Variants in RFX2 observed in about 807,000 individuals in gnomAD.
The protein encoded by RFX2 is regulatory factor X2, also known as DNA-binding protein RFX2.
Under a neutral mutation model 87.8 loss-of-function variants are expected in RFX2, and 20 were observed. The ratio of observed to expected loss-of-function variants is 0.23; its 90% CI spans 0.16 to 0.33. RFX2 has a LOEUF of 0.33. Ranked by LOEUF, RFX2 falls within the 10% of genes least tolerant of loss-of-function variation. The pLI, the probability that RFX2 is intolerant of heterozygous loss-of-function variation, is 1.00. For synonymous variants in RFX2, 397 were observed against 431.3 expected, an observed-to-expected ratio of 0.92 and a Z score of 0.98; for missense variants, 767 against 1,012.3, an observed-to-expected ratio of 0.76 and a Z score of 3.29.
intron 1 of RFX2, among the ~76,000 whole-genome samples, chr19:6,055,188 A>G (rs1313459826): frequency 2.0e-5 from 3 of 152,212 alleles, no homozygotes; most frequent in African/African-American, 7.2e-5. Context: ...TAAACCTGAC[A>G]AGTCTGACAA....
chr19:6,085,110 T>C (rs2163802), intron 1 of RFX2, among the ~76,000 whole-genome samples: 33,235 of 152,198 alleles, frequency 0.22, 4,051 homozygotes, highest in South Asian at 0.3. Context: ...TGGTGGACAC[T>C]TGAGTTGCTG....
intron 1 of RFX2, among the ~76,000 whole-genome samples, chr19:6,092,933 G>A (rs1247080284): frequency 6.6e-6 from 1 of 151,898 alleles, no homozygotes; most frequent in African/African-American, 2.4e-5. Flanking sequence ...GGGGACTTAG[G>A]GCAACGGACA....
In RFX2 at chr19:5,998,825, C is replaced by T. The variant is rs958054800; in HGVS notation, c.1860-1612G>A. Among the ~76,000 whole-genome samples the T allele has an allele frequency of 2.6e-5, 4 of 152,236 alleles. No homozygotes were observed. Among genetic ancestry groups the T allele is most frequent in the Middle Eastern group, 3.2e-3 (1 of 316 alleles). ...GAGTAGGAGCATCGGCCGACCACCA[C>T]CAAGGGAGGCCCAGCCAGAGCTTGG... On this transcript the variant is annotated intron_variant, in intron 15 of 17. Transcript: ENST00000303657. The surrounding 1 kb of genome is among the most constrained non-coding windows in gnomAD (Gnocchi z 4.2).
At chr19:6,055,850 G>T (rs1045506791) in intron 1 of RFX2, among the ~76,000 whole-genome samples, 10 of 152,084 alleles carry the variant, frequency 6.6e-5, no homozygotes, top group Non-Finnish European at 1.2e-4. Flanking sequence ...AGCTAATAGA[G>T]GAATACTACT....
intron 1 of RFX2, among the ~76,000 whole-genome samples, chr19:6,077,291 C>T (rs2087705971): frequency 6.6e-6 from 1 of 152,200 alleles, no homozygotes; most frequent in Admixed American, 6.5e-5. Context: ...CCAATTCCTT[C>T]GCCAGTGCTG....
chr19:6,101,073 C>T lies in RFX2; in HGVS notation c.-9+9320G>A, dbSNP rs538284596. 2.0e-5 allele frequency among the ~76,000 whole-genome samples: 3 copies of T among 152,250 alleles called. No individual in the cohort carries two copies. Among genetic ancestry groups the T allele is most frequent in the African/African-American group, 7.2e-5 (3 of 41,534 alleles). On this transcript the variant is annotated intron_variant, in intron 1 of 17. Transcript: ENST00000303657. The surrounding 1 kb of genome is among the most constrained non-coding windows in gnomAD (Gnocchi z 4.9). ...CAATTTTAAATTTGTCTAGTGCCTTCTCCCCTCTCAACTGTCCACATGACG... is the reference window on the plus strand; with the variant it reads ...CAATTTTAAATTTGTCTAGTGCCTTTTCCCCTCTCAACTGTCCACATGACG...
intron 3 of RFX2, among the ~76,000 whole-genome samples, chr19:6,043,078 A>G (rs2087133873): frequency 6.6e-6 from 1 of 152,214 alleles, no homozygotes. Context: ...CACAAGTTCC[A>G]GGGGTTAACA....
intron 1 of RFX2, among the ~76,000 whole-genome samples, chr19:6,093,827 A>G (rs111660512): frequency 0.018 from 2,732 of 152,266 alleles, 79 homozygotes; most frequent in African/African-American, 0.063. Context: ...TCATGCTAAA[A>G]ACAGCCAGTC....
In RFX2 at chr19:6,047,357, A is replaced by C; in HGVS notation, c.90+50T>G. 7.0e-7 allele frequency: 1 copy of C among 1,431,836 alleles called. No homozygotes were observed. Among genetic ancestry groups the C allele is most frequent in the East Asian group, 2.4e-5 (1 of 41,552 alleles). 88.7% of individuals were successfully genotyped at this position (1,431,836 alleles called of 1,614,324 possible). Reference sequence around the variant, plus strand: ...CTGAGCAGCTTTCAAACCCATAGAGATCGCGTCCACACTGTGGCCACCCTG... The same window carrying C: ...CTGAGCAGCTTTCAAACCCATAGAGCTCGCGTCCACACTGTGGCCACCCTG... On this transcript the variant is annotated intron_variant, in intron 2 of 17. Coordinates refer to ENST00000303657, the MANE Select transcript of RFX2 (RefSeq NM_000635.4). The surrounding 1 kb of genome is among the most constrained non-coding windows in gnomAD (Gnocchi z 4.2).
chr19:6,046,550 C>T (rs1380506786), intron 2 of RFX2, among the ~76,000 whole-genome samples: 1 of 147,338 alleles, frequency 6.8e-6, no homozygotes, highest in Non-Finnish European at 1.5e-5. Flanking sequence ...CAGAGCGAGA[C>T]TCCGTCCCCC....
In RFX2 at chr19:6,024,154, G is replaced by T. The variant is rs1330527801; in HGVS notation, c.597+2009C>A. On this transcript the variant is annotated intron_variant, in intron 6 of 17. Coordinates refer to ENST00000303657, the MANE Select transcript of RFX2 (RefSeq NM_000635.4). This position sits in a 1 kb window ranked among gnomAD's most constrained non-coding sequence, Gnocchi z 5.0. ...GGCTCTGCACCCCCATCCTGCCTGG[G>T]TCACGCAGCCCTCTCGCCCAGGGCT... is the stretch of plus-strand genomic sequence containing the variant. 1.3e-5 allele frequency among the ~76,000 whole-genome samples: 2 copies of T among 152,180 alleles called. No homozygotes were observed. Among genetic ancestry groups the T allele is most frequent in the African/African-American group, 2.4e-5 (1 of 41,446 alleles).
intron 5 of RFX2, among the ~76,000 whole-genome samples, chr19:6,038,411 A>G (rs1462748844): frequency 6.6e-6 from 1 of 151,940 alleles, no homozygotes; most frequent in Non-Finnish European, 1.5e-5. Context: ...AATCTTCATA[A>G]TGTGCAAATA....
chr19:6,035,850 G>GGT (rs34008943), intron 5 of RFX2, among the ~76,000 whole-genome samples: 9,532 of 137,058 alleles, frequency 0.07, 389 homozygotes, highest in South Asian at 0.15. Context: ...CTTGGTGGGG[G>GGT]GTGTGTGTGT....
intron 13 of RFX2, among the ~76,000 whole-genome samples, 162 bp from the exon 14 acceptor site, chr19:6,003,032 A>C (rs2086515459): frequency 1.3e-5 from 2 of 152,282 alleles, no homozygotes; most frequent in Admixed American, 1.3e-4. Context: ...TTAAGGACCC[A>C]GTGTGTGAGA....
chr19:6,019,542 GTGTA>G (rs1225192237), intron 6 of RFX2, among the ~76,000 whole-genome samples: 20 of 145,052 alleles, frequency 1.4e-4, no homozygotes, highest in East Asian at 3.9e-4. Flanking sequence ...GTGTGTGTGT[GTGTA>G]TATACTTTTA....
At chr19:6,066,804 G>T (rs1444326944) in intron 1 of RFX2, among the ~76,000 whole-genome samples, 1 of 152,054 alleles carries the variant, frequency 6.6e-6, no homozygotes, top group East Asian at 1.9e-4. Context: ...AAGTAACAAC[G>T]GTTGCCAGGG....
In RFX2 at chr19:6,013,233, T is replaced by C. The variant is rs2086682889; in HGVS notation, c.780-128A>G. 31 of 980,584 alleles carry C rather than the reference T, an allele frequency of 3.2e-5. No homozygotes were observed. Among genetic ancestry groups the C allele is most frequent in the Non-Finnish European group, 4.3e-5 (30 of 701,320 alleles). 60.7% of individuals were successfully genotyped at this position (980,584 alleles called of 1,614,324 possible). Reference sequence around the variant, plus strand: ...CAGAATCTCATTCTGTCGCCCAGGCTGGAGTACAGCAGTGCCATCTCGGCT... The same window carrying C: ...CAGAATCTCATTCTGTCGCCCAGGCCGGAGTACAGCAGTGCCATCTCGGCT... On this transcript the variant is annotated intron_variant, in intron 7 of 17. Transcript: ENST00000303657. This position sits in a 1 kb window ranked among gnomAD's most constrained non-coding sequence, Gnocchi z 4.1.
intron 1 of RFX2, among the ~76,000 whole-genome samples, chr19:6,084,058 G>A (rs1171261634): frequency 6.6e-6 from 1 of 152,150 alleles, no homozygotes; most frequent in Non-Finnish European, 1.5e-5. Flanking sequence ...AGTGTGGTGT[G>A]GGAATCGTCT....
chr19:6,039,848 T>TG lies in RFX2; in HGVS notation c.522+131dup. Reference sequence around the variant, plus strand: ...GTCTGAGGCTGGCCCGACTCCATCGTGGGGCCGCCTGGGCCCAGAGCAGAC... The same window carrying TG: ...GTCTGAGGCTGGCCCGACTCCATCGTGGGGGCCGCCTGGGCCCAGAGCAGAC... On this transcript the variant is annotated intron_variant, in intron 5 of 17. Transcript: ENST00000303657. This position sits in a 1 kb window ranked among gnomAD's most constrained non-coding sequence, Gnocchi z 5.2. 1 of 1,121,640 alleles carries TG rather than the reference T, an allele frequency of 8.9e-7. No homozygotes were observed. Among genetic ancestry groups the TG allele is most frequent in the Non-Finnish European group, 1.2e-6 (1 of 819,046 alleles). The allele number at this position is 1,121,640 out of a possible 1,614,324, so 69.5% of individuals were successfully genotyped here.
Sources: allele counts gnomAD v4.1 joint callset (sites outside exome capture counted in the v4.1 genomes callset), GRCh38; gene constraint gnomAD v4.1.1; non-coding constraint Gnocchi (gnomAD v3.1); transcripts MANE v1.5; gene names NCBI Gene and HGNC (gene_info 2026-07-23, HGNC 2026-07-21).